Variants in VPS54 observed in about 807,000 individuals in gnomAD.
VPS54 encodes the protein VPS54 subunit of GARP complex, also known as vacuolar protein sorting-associated protein 54.
Under a neutral mutation model 121.5 loss-of-function variants are expected in VPS54, and 45 were observed. The observed-to-expected ratio is 0.37, with a 90% CI of 0.29 to 0.47. The LOEUF is 0.47. Ranked by LOEUF, VPS54 falls within the 20% of genes least tolerant of loss-of-function variation. VPS54 has a pLI of 0.99. For synonymous variants in VPS54, 371 were observed against 385.8 expected, an observed-to-expected ratio of 0.96 and a Z score of 0.45; for missense variants, 1,090 against 1,131.4, an observed-to-expected ratio of 0.96 and a Z score of 0.52.
At chr2:63,938,255 T>C (rs1440884450) in intron 11 of VPS54, among the ~76,000 whole-genome samples, 1 of 151,268 alleles carries the variant, frequency 6.6e-6, no homozygotes, top group African/African-American at 2.4e-5. Context: ...CATGAGCTAC[T>C]ATGTCAGGCC....
chr2:63,900,329 T>C (rs1188757313), intron 20 of VPS54, among the ~76,000 whole-genome samples: 1 of 151,884 alleles, frequency 6.6e-6, no homozygotes, highest in Non-Finnish European at 1.5e-5. Context: ...TGGGTCAATA[T>C]AGTAATATTT....
At chr2:63,899,434 T>C (rs1212202672) in intron 21 of VPS54, 40 bp downstream of exon 21, 22 of 1,550,944 alleles carry the variant, frequency 1.4e-5, no homozygotes, top group Admixed American at 3.4e-5. Context: ...AGATATTGTA[T>C]GTTATATATA....
chr2:63,920,702 T>C, intron 13 of VPS54, 75 bp from the exon 14 acceptor site: 1 of 795,714 alleles, frequency 1.3e-6, no homozygotes, highest in Non-Finnish European at 1.7e-6. Flanking sequence ...AGTTTAACGA[T>C]TATTATAATC....
intron 1 of VPS54, among the ~76,000 whole-genome samples, chr2:63,984,947 G>T (rs1038433581): frequency 2.0e-5 from 3 of 151,338 alleles, no homozygotes; most frequent in Non-Finnish European, 4.4e-5. Flanking sequence ...AGAATATGAG[G>T]TTTAACAAGT....
intron 2 of VPS54, among the ~76,000 whole-genome samples, chr2:63,982,250 T>A (rs1428898232): frequency 1.3e-5 from 2 of 152,202 alleles, no homozygotes; most frequent in African/African-American, 4.8e-5. Context: ...TTCTATCCTT[T>A]AATACCCCAC....
At chr2:63,968,876 AAGC>A in intron 5 of VPS54, 78 bp downstream of exon 5, 1 of 1,289,742 alleles carries the variant, frequency 7.8e-7, no homozygotes. Flanking sequence ...AAAAAAAAAA[AAGC>A]CAAATGAAAT....
intron 12 of VPS54, among the ~76,000 whole-genome samples, chr2:63,928,853 A>AT (rs1374753206): frequency 1.3e-5 from 2 of 150,912 alleles, no homozygotes; most frequent in African/African-American, 2.4e-5. Flanking sequence ...AAAAAAAAAA[A>AT]GCAGGGGTTG....
chr2:63,909,546 G>A (rs764160004), intron 20 of VPS54, among the ~76,000 whole-genome samples: 30 of 147,822 alleles, frequency 2.0e-4, no homozygotes, highest in Non-Finnish European at 3.6e-4. Context: ...ATAGCCTCCG[G>A]GTAGCTGGGA....
chr2:63,940,270 C>T (rs1026287607), intron 11 of VPS54, among the ~76,000 whole-genome samples: 8 of 152,018 alleles, frequency 5.3e-5, no homozygotes, highest in African/African-American at 1.9e-4. Context: ...CATTATTTTT[C>T]AGTGAAGTAA....
At chr2:63,997,767 T>C (rs183664133) in intron 1 of VPS54, among the ~76,000 whole-genome samples, 1 of 152,198 alleles carries the variant, frequency 6.6e-6, no homozygotes, top group African/African-American at 2.4e-5. Flanking sequence ...TGCTTTTCCC[T>C]TTCTTTAAAA....
chr2:63,921,962 T>C (rs1324879764), intron 12 of VPS54, among the ~76,000 whole-genome samples: 1 of 152,198 alleles, frequency 6.6e-6, no homozygotes, highest in Non-Finnish European at 1.5e-5. Context: ...CCTAGGATGA[T>C]ACAGTGGAAG....
intron 11 of VPS54, among the ~76,000 whole-genome samples, chr2:63,936,778 A>C (rs566115591): frequency 2.6e-5 from 4 of 152,336 alleles, no homozygotes; most frequent in Admixed American, 2.6e-4. Flanking sequence ...GACTATGGTA[A>C]TCATAACAGT....
At chr2:63,969,780 T>C (rs943596917) in intron 4 of VPS54, among the ~76,000 whole-genome samples, 1 of 152,190 alleles carries the variant, frequency 6.6e-6, no homozygotes, top group Non-Finnish European at 1.5e-5. Flanking sequence ...TGCTGTGCTA[T>C]CTTTTCAAGT....
At chr2:64,013,796 C>T (rs150593025) in intron 1 of VPS54, among the ~76,000 whole-genome samples, 311 of 150,946 alleles carry the variant, frequency 2.1e-3, no homozygotes, top group African/African-American at 7.2e-3. Flanking sequence ...AACTATTCCA[C>T]CCTCAAATTA....
chr2:63,982,226 T>C (rs1676832614), intron 2 of VPS54, among the ~76,000 whole-genome samples: 2 of 152,160 alleles, frequency 1.3e-5, no homozygotes, highest in African/African-American at 4.8e-5. Context: ...CTATGCTGCT[T>C]TCTATTATGT....
Position 63,962,306 on chromosome 2 carries a change from C to G in VPS54, c.762G>C (p.Met254Ile). ...CAATCTGTGCAATTTTATCTCGAAG[C>G]ATTTTTACAGCCTGGGAAGTTTTCC... ...YLRKTSQAVK[M>I]LRDKIAQIDK... is the part of the protein sequence containing the mutation. The change falls in exon 7 of 23, where the codon ATG becomes ATC. Residue 254 changes from methionine to isoleucine, a missense_variant. Met to Ile is a conservative substitution (Grantham distance 10). Coordinates refer to ENST00000272322, the MANE Select transcript of VPS54 (RefSeq NM_016516.3). 6.2e-7 allele frequency: 1 copy of G among 1,614,022 alleles called. No homozygotes were observed. Among genetic ancestry groups the G allele is most frequent in the Non-Finnish European group, 8.5e-7 (1 of 1,179,924 alleles).
intron 4 of VPS54, among the ~76,000 whole-genome samples, chr2:63,970,892 T>C (rs1049777465): frequency 6.6e-6 from 1 of 152,152 alleles, no homozygotes; most frequent in African/African-American, 2.4e-5. Context: ...CATGCTATTG[T>C]CCAGCATACC....
At chr2:63,913,199 T>C (rs1011555469) in intron 18 of VPS54, 24 bp downstream of exon 18, 2 of 1,589,990 alleles carry the variant, frequency 1.3e-6, no homozygotes, top group South Asian at 2.3e-5. Flanking sequence ...CTTCAGCAAG[T>C]GAATTAAACG....
At chr2:63,953,126 A>ATTTTT (rs1194371865) in intron 7 of VPS54, among the ~76,000 whole-genome samples, 4 of 119,220 alleles carry the variant, frequency 3.4e-5, no homozygotes, top group African/African-American at 6.4e-5. Context: ...GAAATTTTTA[A>ATTTTT]TTTTTTTTTT....
Sources: allele counts gnomAD v4.1 joint callset (sites outside exome capture counted in the v4.1 genomes callset), GRCh38; gene constraint gnomAD v4.1.1; transcripts MANE v1.5; gene names NCBI Gene and HGNC (gene_info 2026-07-23, HGNC 2026-07-21).